SLC4A4: variants seen among roughly 807,000 people sequenced by gnomAD.
SLC4A4 encodes solute carrier family 4 member 4.
A neutral mutation model predicts 111.5 loss-of-function variants in SLC4A4; 27 were observed. The ratio of observed to expected loss-of-function variants is 0.24; its 90% confidence interval spans 0.18 to 0.33. The LOEUF is 0.33. Among genes scored for constraint, SLC4A4 ranks in the 10% least tolerant of loss-of-function variants. SLC4A4 has a pLI of 1.00. For missense variants in SLC4A4, 909 were observed against 1,315.5 expected (o/e 0.69, Z 4.78); for synonymous variants, 443 against 463.4 (o/e 0.96, Z 0.57).
intron 16 of SLC4A4, among the ~76,000 whole-genome samples, chr4:71,523,195 C>T (rs367552558): frequency 3.3e-5 from 5 of 151,988 alleles, no homozygotes; most frequent in South Asian, 4.2e-4. Context: ...CTTTAGTGTT[C>T]GCCATCTTGG....
intron 3 of SLC4A4, among the ~76,000 whole-genome samples, chr4:71,291,177 C>T (rs1724319128): frequency 2.0e-5 from 3 of 152,136 alleles, no homozygotes; most frequent in South Asian, 4.1e-4. Flanking sequence ...GCAAGAGACA[C>T]TTTCTCATGA....
chr4:71,333,484 G>C (rs1209611455), intron 3 of SLC4A4, among the ~76,000 whole-genome samples: 3 of 152,188 alleles, frequency 2.0e-5, no homozygotes, highest in African/African-American at 7.2e-5. Flanking sequence ...GGTCAGACTC[G>C]AAGTCAGCAC....
chr4:71,550,860 C>T (rs2149241504), intron 20 of SLC4A4, among the ~76,000 whole-genome samples: 1 of 151,908 alleles, frequency 6.6e-6, no homozygotes, highest in East Asian at 2.0e-4. Context: ...GATCTCTTTG[C>T]TGAGGTCCGT....
intron 2 of SLC4A4, among the ~76,000 whole-genome samples, chr4:71,095,159 C>T (rs1179187991): frequency 6.6e-6 from 1 of 152,180 alleles, no homozygotes; most frequent in Non-Finnish European, 1.5e-5. Flanking sequence ...GAATCTCTTT[C>T]CCTACTTCTA....
chr4:71,173,046 A>G (rs975808490), intron 2 of SLC4A4, among the ~76,000 whole-genome samples: 1 of 152,234 alleles, frequency 6.6e-6, no homozygotes, highest in Non-Finnish European at 1.5e-5. Flanking sequence ...AATGACTTTC[A>G]AAACTATATG....
intron 2 of SLC4A4, among the ~76,000 whole-genome samples, chr4:71,174,823 T>C (rs1236818661): frequency 6.6e-6 from 1 of 152,212 alleles, no homozygotes; most frequent in Non-Finnish European, 1.5e-5. Context: ...GCTTACGATG[T>C]AGCCCAGGCT....
chr4:71,266,251 T>A (rs1331014294), intron 3 of SLC4A4, among the ~76,000 whole-genome samples: 3 of 152,202 alleles, frequency 2.0e-5, no homozygotes, highest in Non-Finnish European at 4.4e-5. Context: ...AACCACTGGA[T>A]GTGGTTAGTA....
intron 16 of SLC4A4, among the ~76,000 whole-genome samples, chr4:71,511,421 T>C (rs193144997): frequency 1.0e-3 from 154 of 152,224 alleles, no homozygotes; most frequent in Middle Eastern, 3.4e-3. Flanking sequence ...TTTTGTTTTA[T>C]TTTGGAGATT....
At chr4:71,249,716 C>T (rs1414400706) in intron 2 of SLC4A4, among the ~76,000 whole-genome samples, 1 of 151,924 alleles carries the variant, frequency 6.6e-6, no homozygotes, top group African/African-American at 2.4e-5. Flanking sequence ...TGGTGAAACC[C>T]CACCTCTACC....
At chr4:71,178,081 T>C (rs1052393757) in intron 2 of SLC4A4, among the ~76,000 whole-genome samples, 4 of 152,072 alleles carry the variant, frequency 2.6e-5, no homozygotes, top group African/African-American at 7.2e-5. Context: ...GAATGACTAC[T>C]GGGTACATAA....
chr4:71,144,112 T>A (rs1266642309), intron 2 of SLC4A4, among the ~76,000 whole-genome samples: 1 of 152,216 alleles, frequency 6.6e-6, no homozygotes, highest in Non-Finnish European at 1.5e-5. Context: ...CTATTTTGAA[T>A]TAATTTTTGT....
At chr4:71,315,330 A>G (rs1726596691) in intron 3 of SLC4A4, among the ~76,000 whole-genome samples, 1 of 152,176 alleles carries the variant, frequency 6.6e-6, no homozygotes, top group Non-Finnish European at 1.5e-5. Context: ...GTTTTGAACT[A>G]TATAATTACT....
intron 14 of SLC4A4, chr4:71,473,193 C>A: frequency 1.5e-6 from 1 of 667,866 alleles, no homozygotes; most frequent in Non-Finnish European, 2.7e-6. Context: ...TGAACATAAC[C>A]AACTCAATAT....
chr4:71,420,412 G>T (rs1347810580), intron 7 of SLC4A4, among the ~76,000 whole-genome samples: 1 of 152,162 alleles, frequency 6.6e-6, no homozygotes, highest in African/African-American at 2.4e-5. Context: ...AAAACACTCT[G>T]CAGGATATTA....
intron 14 of SLC4A4, among the ~76,000 whole-genome samples, chr4:71,474,650 C>T (rs1439756999): frequency 6.6e-6 from 1 of 151,764 alleles, no homozygotes; most frequent in Non-Finnish European, 1.5e-5. Context: ...GCTGTGTGCT[C>T]ATGGATTCTT....
At chr4:71,432,285 G>A (rs1723705144) in intron 7 of SLC4A4, among the ~76,000 whole-genome samples, 1 of 152,134 alleles carries the variant, frequency 6.6e-6, no homozygotes. Context: ...TTATTAGAAA[G>A]CTTTGTGTTC....
intron 2 of SLC4A4, among the ~76,000 whole-genome samples, chr4:71,150,783 C>T (rs1050723645): frequency 2.6e-5 from 4 of 152,074 alleles, no homozygotes; most frequent in Non-Finnish European, 5.9e-5. Context: ...TGTTCTGGGA[C>T]CACTATCTCT....
chr4:71,331,749 TGGTTTGGATAGGATTGGCATTA>T (rs938028917), intron 3 of SLC4A4, among the ~76,000 whole-genome samples: 1 of 147,988 alleles, frequency 6.8e-6, no homozygotes, highest in African/African-American at 2.5e-5. Context: ...AAAAAAGAAA[TGGTTTGGATAGGATTGGCATTA>T]GTTCTTCTTT....
intron 16 of SLC4A4, among the ~76,000 whole-genome samples, chr4:71,518,300 T>C (rs935234623): frequency 1.4e-4 from 21 of 152,172 alleles, no homozygotes; most frequent in African/African-American, 4.8e-4. Flanking sequence ...GAAACATGGG[T>C]CTGCTGAAGT....
Sources: allele counts gnomAD v4.1 joint callset (sites outside exome capture counted in the v4.1 genomes callset), GRCh38; gene constraint gnomAD v4.1.1; transcripts MANE v1.5; gene names NCBI Gene and HGNC (gene_info 2026-07-23, HGNC 2026-07-21).